Variants in ZNF521 observed in about 807,000 individuals in gnomAD.
ZNF521 encodes LYST-interacting protein 3.
ZNF521 carries 14 observed loss-of-function variants against 105.5 expected under a neutral mutation model. That is an observed-to-expected ratio of 0.13 (90% CI 0.09 to 0.21). The LOEUF (loss-of-function observed/expected upper bound fraction) is 0.21, where lower values mean the gene tolerates loss of function less well. Among genes scored for constraint, ZNF521 ranks in the 10% least tolerant of loss-of-function variants. The probability of loss-of-function intolerance (pLI) is 1.00; values close to 1 mark genes in which losing one functional copy is unlikely to be tolerated. For synonymous variants in ZNF521, 635 were observed against 606.0 expected (o/e 1.05, Z -0.70); for missense variants, 1,233 against 1,629.7 (o/e 0.76, Z 4.19).
chr18:25,092,049 T>G lies in ZNF521; in HGVS notation c.3691A>C (p.Ser1231Arg), dbSNP rs750690726. Residue 1231 changes from serine to arginine, a missense_variant, in exon 6 of 8, where the codon AGC (serine) becomes CGC (arginine). Physicochemically the swap from Ser to Arg is moderately radical, Grantham distance 110. Transcript: ENST00000361524. ...EGLNHECKLC[S>R]QTFDSPAKLQ... ...TTGGCAGGAGAGTCAAAGGTCTGGCTGCAGAGTTTGCATTCATGGTTCAGT... is the reference window on the plus strand; with the variant it reads ...TTGGCAGGAGAGTCAAAGGTCTGGCGGCAGAGTTTGCATTCATGGTTCAGT... 6.2e-7 allele frequency: 1 copy of G among 1,614,014 alleles called. No homozygotes were observed. The highest frequency in any genetic ancestry group is 1.7e-5 in the Admixed American group (1 of 60,022).
chr18:25,286,412 C>T (rs1419002221), intron 3 of ZNF521, among the ~76,000 whole-genome samples: 3 of 152,150 alleles, frequency 2.0e-5, no homozygotes, highest in Non-Finnish European at 4.4e-5. Flanking sequence ...CACCAGCTTG[C>T]ATAAAATGAC....
intron 5 of ZNF521, among the ~76,000 whole-genome samples, chr18:25,104,046 T>C (rs1307589840): frequency 1.3e-5 from 2 of 152,148 alleles, no homozygotes; most frequent in African/African-American, 4.8e-5. Flanking sequence ...GACATAATAG[T>C]TATGGAGTGC....
chr18:25,227,443 G>A lies in ZNF521; in HGVS notation c.475C>T (p.Arg159Cys), dbSNP rs1474228275. The A allele has an allele frequency of 1.2e-6, 2 of 1,613,840 alleles. No homozygotes were observed. The highest frequency in any genetic ancestry group is 2.2e-5 in the East Asian group (1 of 44,842). ...AGTTTTATGTGGCGATCTCGGCTGCGCTTGTGTTTGAACAGCCTACTGCAG... is the reference window on the plus strand; with the variant it reads ...AGTTTTATGTGGCGATCTCGGCTGCACTTGTGTTTGAACAGCCTACTGCAG... ...TYCSRLFKHK[R>C]SRDRHIKLHT... The change falls in exon 4 of 8, where the codon CGC becomes TGC. Residue 159 changes from arginine (R) to cysteine (C), a missense_variant. Transcript: ENST00000361524. The surrounding 1 kb of genome is among the most constrained non-coding windows in gnomAD (Gnocchi z 5.7).
chr18:25,174,674 G>A (rs141431060), intron 5 of ZNF521, among the ~76,000 whole-genome samples: 1 of 152,184 alleles, frequency 6.6e-6, no homozygotes, highest in Non-Finnish European at 1.5e-5. Context: ...CAGTAATCCT[G>A]GCAACACAAC....
chr18:25,285,698 T>TCTCACACACA lies in ZNF521; in HGVS notation c.220+36309_220+36310insTGTGTGTGAG, dbSNP rs1185535267. 8.8e-5 allele frequency among the ~76,000 whole-genome samples: 13 copies of TCTCACACACA among 147,104 alleles called. No homozygotes were observed. In the East Asian group the frequency reaches 2.4e-3, roughly 27 times the overall value. ...AGTTGCACTTCTCTCTCTCTCTCTCTCACACACACACACACACACACACAC... is the reference window on the plus strand; with the variant it reads ...AGTTGCACTTCTCTCTCTCTCTCTCTCTCACACACACACACACACACACACACACACACAC... On this transcript the variant is annotated intron_variant, in intron 3 of 7. Transcript: ENST00000361524.
intron 4 of ZNF521, among the ~76,000 whole-genome samples, chr18:25,223,482 C>T (rs548270241): frequency 1.3e-5 from 2 of 152,256 alleles, no homozygotes; most frequent in South Asian, 4.1e-4. Context: ...CTGGGGTTTT[C>T]ATTTGGATGG....
At chr18:25,280,248 C>G (rs1373703624) in intron 3 of ZNF521, among the ~76,000 whole-genome samples, 1 of 152,188 alleles carries the variant, frequency 6.6e-6, no homozygotes. Context: ...CAAATGTCTA[C>G]ACATAACACA....
chr18:25,330,338 A>AT (rs1913497141), intron 2 of ZNF521, among the ~76,000 whole-genome samples: 1 of 150,944 alleles, frequency 6.6e-6, no homozygotes, highest in Non-Finnish European at 1.5e-5. Flanking sequence ...TAATTTTTAT[A>AT]TTTTTTTAGT....
chr18:25,230,617 A>G (rs750006924), intron 3 of ZNF521, among the ~76,000 whole-genome samples: 3 of 152,164 alleles, frequency 2.0e-5, no homozygotes, highest in Non-Finnish European at 2.9e-5. Context: ...GATTCTTTCA[A>G]CTCAGGTTCC....
At chr18:25,336,897 A>G (rs1913921609) in intron 2 of ZNF521, among the ~76,000 whole-genome samples, 1 of 152,228 alleles carries the variant, frequency 6.6e-6, no homozygotes, top group Non-Finnish European at 1.5e-5. Flanking sequence ...TCTACCAGAC[A>G]CTATTCTAAG....
In ZNF521 at chr18:25,305,986, G is replaced by A. The variant is rs796959545; in HGVS notation, c.220+16022C>T. ...AATGTTATCACCTTTACAGGTAAAT[G>A]TTCAATTAAACATTTAAGTAATCTG... is the stretch of plus-strand genomic sequence containing the variant. On this transcript the variant is annotated intron_variant, in intron 3 of 7. Transcript: ENST00000361524. Among the ~76,000 whole-genome samples the A allele has an allele frequency of 3.5e-4, 53 of 152,320 alleles. 2 individuals carry two copies. The highest frequency in any genetic ancestry group is 1.2e-3 in the African/African-American group (51 of 41,574).
At chr18:25,179,499 T>C (rs1211623534) in intron 5 of ZNF521, among the ~76,000 whole-genome samples, 1 of 152,126 alleles carries the variant, frequency 6.6e-6, no homozygotes. Context: ...TGTGTATATG[T>C]GTTTGTTTTA....
At position 25,225,108 on chromosome 18, in the gene ZNF521, C is replaced by T. The variant is rs1389483666; in HGVS notation, c.2810G>A (p.Arg937Gln). ...KGNYKCNVCSRTFFSENGLRE... is the reference protein window; with the variant it reads ...KGNYKCNVCSQTFFSENGLRE... ...GAGGCCATTTTCGGAGAAGAAGGTTCGAGAGCACACGTTGCACTTGTAATT... is the reference window on the plus strand; with the variant it reads ...GAGGCCATTTTCGGAGAAGAAGGTTTGAGAGCACACGTTGCACTTGTAATT... Residue 937 changes from arginine to glutamine, a missense_variant, in exon 4 of 8, where the codon CGA becomes CAA. This residue lies in a region of ZNF521 where 614 missense variants were observed against 751.5 expected (regional missense o/e 0.82). Coordinates refer to ENST00000361524, the MANE Select transcript of ZNF521 (RefSeq NM_015461.3). The surrounding 1 kb of genome is among the most constrained non-coding windows in gnomAD (Gnocchi z 5.6). The T allele has an allele frequency of 1.2e-6, 2 of 1,614,012 alleles. No homozygotes were observed. Among genetic ancestry groups the T allele is most frequent in the Admixed American group, 1.7e-5 (1 of 60,000 alleles).
chr18:25,329,613 G>C (rs1275962752), intron 2 of ZNF521, among the ~76,000 whole-genome samples: 1 of 152,194 alleles, frequency 6.6e-6, no homozygotes, highest in East Asian at 1.9e-4. Flanking sequence ...GGGCGAGGGA[G>C]GGATAGACCA....
chr18:25,338,259 T>TTGTGTGTGCG, intron 2 of ZNF521, among the ~76,000 whole-genome samples: 3 of 136,596 alleles, frequency 2.2e-5, no homozygotes, highest in Non-Finnish European at 4.6e-5. Flanking sequence ...TCATAGACTT[T>TTGTGTGTGCG]TGTGTGTGTG....
chr18:25,156,118 G>T (rs2035139234), intron 5 of ZNF521, among the ~76,000 whole-genome samples: 1 of 152,138 alleles, frequency 6.6e-6, no homozygotes, highest in Non-Finnish European at 1.5e-5. Context: ...ACCACAGCAG[G>T]CGGAAATGGG....
At chr18:25,297,322 G>T (rs1911379301) in intron 3 of ZNF521, among the ~76,000 whole-genome samples, 1 of 151,946 alleles carries the variant, frequency 6.6e-6, no homozygotes, top group South Asian at 2.1e-4. Context: ...TGCTAACAGA[G>T]ATGTTCTAGT....
chr18:25,093,091 C>T (rs2033780741), intron 5 of ZNF521, among the ~76,000 whole-genome samples: 1 of 152,110 alleles, frequency 6.6e-6, no homozygotes, highest in East Asian at 1.9e-4. Flanking sequence ...AGAAAAACTA[C>T]TATTAGTCTC....
intron 3 of ZNF521, among the ~76,000 whole-genome samples, chr18:25,232,953 T>G (rs1906634162): frequency 6.6e-6 from 1 of 152,180 alleles, no homozygotes; most frequent in South Asian, 2.1e-4. Context: ...TTCACAGTAC[T>G]TTTTCAGTCA....
Sources: allele counts gnomAD v4.1 joint callset (sites outside exome capture counted in the v4.1 genomes callset), GRCh38; gene constraint gnomAD v4.1.1; regional missense constraint gnomAD v4.1.1; non-coding constraint Gnocchi (gnomAD v3.1); transcripts MANE v1.5; gene names NCBI Gene and HGNC (gene_info 2026-07-23, HGNC 2026-07-21).